NXPH1: variants seen among roughly 807,000 people sequenced by gnomAD.
NXPH1 encodes the protein neurexophilin-1.
A neutral mutation model predicts 23.7 loss-of-function variants in NXPH1; 5 were observed. That is an observed-to-expected ratio of 0.21 (90% confidence interval 0.11 to 0.44). The LOEUF is 0.44. NXPH1 is among the 20% of genes least tolerant of loss of function. NXPH1 has a pLI of 0.99. For missense variants in NXPH1, 324 were observed against 321.6 expected (o/e 1.01, Z -0.06); for synonymous variants, 144 against 122.2 (o/e 1.18, Z -1.18).
chr7:8,522,224 T>C lies in NXPH1; in HGVS notation c.54+86457T>C, dbSNP rs574200239. ...AAAGACCATAAGAATCCCTGGGCAA[T>C]AGGAGGCCGTTCTTGTGAAATCCAG... On this transcript the variant is annotated intron_variant, in intron 2 of 2. Coordinates refer to ENST00000405863, the MANE Select transcript of NXPH1 (RefSeq NM_152745.3). Among the ~76,000 whole-genome samples the C allele has an allele frequency of 2.0e-3, 307 of 152,202 alleles. 2 individuals carry two copies. Among genetic ancestry groups the C allele is most frequent in the African/African-American group, 7.0e-3 (292 of 41,532 alleles).
intron 2 of NXPH1, among the ~76,000 whole-genome samples, chr7:8,524,241 CAAA>C (rs34744233): frequency 0.27 from 19,574 of 72,342 alleles, 912 homozygotes; most frequent in East Asian, 0.34. Context: ...GACTCTGTCT[CAAA>C]AAAAAAAAAA....
chr7:8,479,592 G>T (rs188936652), intron 2 of NXPH1, among the ~76,000 whole-genome samples: 1 of 152,138 alleles, frequency 6.6e-6, no homozygotes, highest in African/African-American at 2.4e-5. Context: ...CATCCAGATC[G>T]TGGTGGCTTT....
intron 2 of NXPH1, among the ~76,000 whole-genome samples, chr7:8,559,841 C>A (rs1227231226): frequency 1.3e-5 from 2 of 151,802 alleles, no homozygotes; most frequent in South Asian, 2.1e-4. Context: ...TTGGAGTGGG[C>A]ATAGCATACT....
intron 2 of NXPH1, among the ~76,000 whole-genome samples, chr7:8,746,381 T>C (rs1472932342): frequency 6.6e-6 from 1 of 152,208 alleles, no homozygotes; most frequent in African/African-American, 2.4e-5. Context: ...CACTGAGATG[T>C]TCCAGAGAGG....
intron 2 of NXPH1, among the ~76,000 whole-genome samples, chr7:8,503,061 C>G (rs953380379): frequency 2.0e-5 from 3 of 151,922 alleles, no homozygotes; most frequent in Non-Finnish European, 2.9e-5. Flanking sequence ...TTTTAGTGCC[C>G]TTTCATGATG....
intron 2 of NXPH1, among the ~76,000 whole-genome samples, chr7:8,471,758 A>G (rs1816876108): frequency 6.6e-6 from 1 of 151,998 alleles, no homozygotes; most frequent in African/African-American, 2.4e-5. Flanking sequence ...GTACGCTATT[A>G]CTCTTACATT....
intron 2 of NXPH1, among the ~76,000 whole-genome samples, chr7:8,487,303 A>G (rs1320169040): frequency 1.3e-5 from 2 of 152,110 alleles, no homozygotes; most frequent in East Asian, 1.9e-4. Flanking sequence ...GGGTTTTCCC[A>G]TGTTGTTCTT....
chr7:8,487,601 C>A (rs10243563), intron 2 of NXPH1, among the ~76,000 whole-genome samples: 10,387 of 152,170 alleles, frequency 0.068, 760 homozygotes, highest in African/African-American at 0.18. Context: ...TACTTCCATA[C>A]TACTTATGCA....
intron 2 of NXPH1, among the ~76,000 whole-genome samples, chr7:8,460,519 GT>G (rs1356070733): frequency 1.3e-5 from 2 of 152,168 alleles, no homozygotes; most frequent in Non-Finnish European, 2.9e-5. Context: ...CCTGAAGCAG[GT>G]TTGTTTAGTT....
intron 2 of NXPH1, among the ~76,000 whole-genome samples, chr7:8,678,928 A>ATTTTTTTTTTTTTTTTTGTTT (rs1821000622): frequency 1.5e-5 from 1 of 68,762 alleles, no homozygotes. Context: ...GCTTTATCCA[A>ATTTTTTTTTTTTTTTTTGTTT]TTTTTTTTTT....
At chr7:8,654,843 G>T (rs561369185) in intron 2 of NXPH1, among the ~76,000 whole-genome samples, 41 of 152,146 alleles carry the variant, frequency 2.7e-4, no homozygotes, top group Non-Finnish European at 4.9e-4. Flanking sequence ...AGAAAGAAGG[G>T]GTTTGGGGCA....
intron 2 of NXPH1, among the ~76,000 whole-genome samples, chr7:8,477,103 G>A (rs990743132): frequency 6.6e-6 from 1 of 152,108 alleles, no homozygotes; most frequent in Non-Finnish European, 1.5e-5. Context: ...GGGAGAGTAA[G>A]CAAATGAAGA....
intron 2 of NXPH1, among the ~76,000 whole-genome samples, chr7:8,664,973 T>G (rs770250914): frequency 1.5e-4 from 23 of 152,064 alleles, no homozygotes; most frequent in Non-Finnish European, 3.1e-4. Flanking sequence ...TTCCATAGGT[T>G]ATCTCTTCAC....
chr7:8,602,164 C>A (rs1293724195), intron 2 of NXPH1, among the ~76,000 whole-genome samples: 1 of 152,126 alleles, frequency 6.6e-6, no homozygotes, highest in Non-Finnish European at 1.5e-5. Flanking sequence ...TTCTGTTACT[C>A]AAAAATTTTA....
At chr7:8,748,050 A>G in intron 2 of NXPH1, among the ~76,000 whole-genome samples, 1 of 152,216 alleles carries the variant, frequency 6.6e-6, no homozygotes, top group Non-Finnish European at 1.5e-5. Context: ...TAGATTGGAA[A>G]TGTATTGCTT....
chr7:8,602,333 G>C (rs10251959), intron 2 of NXPH1, among the ~76,000 whole-genome samples: 8,135 of 152,116 alleles, frequency 0.053, 504 homozygotes, highest in East Asian at 0.17. Flanking sequence ...CTTGCTTTCT[G>C]TTGTGTCTAT....
At chr7:8,728,136 G>A (rs1277631564) in intron 2 of NXPH1, among the ~76,000 whole-genome samples, 1 of 151,556 alleles carries the variant, frequency 6.6e-6, no homozygotes, top group Non-Finnish European at 1.5e-5. Context: ...TTGGCTCTCT[G>A]TTTGTCTGTT....
At chr7:8,719,917 C>T (rs1562464597) in intron 2 of NXPH1, among the ~76,000 whole-genome samples, 2 of 151,942 alleles carry the variant, frequency 1.3e-5, no homozygotes, top group African/African-American at 4.8e-5. Flanking sequence ...AACACTGGGA[C>T]AGGGGGATTC....
chr7:8,732,097 C>T (rs1197762755), intron 2 of NXPH1, among the ~76,000 whole-genome samples: 1 of 152,208 alleles, frequency 6.6e-6, no homozygotes, highest in Non-Finnish European at 1.5e-5. Context: ...GGGAGTGACC[C>T]AATTTTCCAG....
Sources: gnomAD v4.1 joint callset for allele counts (sites outside exome capture counted in the v4.1 genomes callset) on GRCh38, gnomAD v4.1.1 for gene constraint, MANE v1.5 for transcripts, NCBI Gene and HGNC (gene_info 2026-07-23, HGNC 2026-07-21) for gene names.